The following ZNF616 variants were observed in gnomAD, a reference collection of about 807,000 sequenced individuals.
ZNF616 encodes the protein zinc finger protein 616.
Under a neutral mutation model 7.6 loss-of-function variants are expected in ZNF616, and 5 were observed. That is an observed-to-expected ratio of 0.66 (90% CI 0.34 to 1.38). The LOEUF is 1.38. Ranked by LOEUF, ZNF616 falls within the 40% of genes most tolerant of loss-of-function variation. ZNF616 has a pLI of 0.04. For synonymous variants in ZNF616, 319 were observed against 317.2 expected, an observed-to-expected ratio of 1.01 and a Z score of -0.06; for missense variants, 913 against 948.3, an observed-to-expected ratio of 0.96 and a Z score of 0.49.
At chr19:52,120,018 T>C (rs564931528) in intron 3 of ZNF616, among the ~76,000 whole-genome samples, 9 of 152,306 alleles carry the variant, frequency 5.9e-5, no homozygotes, top group African/African-American at 2.2e-4. Context: ...TAAAACCTTA[T>C]TGATAGTACA....
intron 1 of ZNF616, among the ~76,000 whole-genome samples, chr19:52,132,488 CTGGTGGGAGG>C (rs1316925915): frequency 6.6e-6 from 1 of 152,104 alleles, no homozygotes; most frequent in Non-Finnish European, 1.5e-5. Flanking sequence ...CTGGTGGGGC[CTGGTGGGAGG>C]TGGATGGATC....
At position 52,124,162 on chromosome 19, in the gene ZNF616, T is replaced by C. The variant is rs2088886488; in HGVS notation, c.13-113A>G. 2.9e-6 allele frequency: 4 copies of C among 1,365,472 alleles called. No individual in the cohort carries two copies. The East Asian group carries it at 9.4e-5, about 32-fold the overall frequency. 84.6% of individuals were successfully genotyped at this position (1,365,472 alleles called of 1,614,324 possible). A position where few individuals can be genotyped will look rare whatever the true frequency, so the allele number is the denominator to read the frequency against. On this transcript the variant is annotated intron_variant, in intron 2 of 3. Coordinates refer to ENST00000600228, the MANE Select transcript of ZNF616 (RefSeq NM_178523.5). ...AAGTGTGTGTTTTGACATATCTATATGGCATCTGTGAGAAAGTTATTGGTC... is the reference window on the plus strand; with the variant it reads ...AAGTGTGTGTTTTGACATATCTATACGGCATCTGTGAGAAAGTTATTGGTC...
chr19:52,133,481 T>A (rs1054712435), intron 1 of ZNF616, among the ~76,000 whole-genome samples: 7 of 152,008 alleles, frequency 4.6e-5, no homozygotes, highest in Non-Finnish European at 8.8e-5. Flanking sequence ...GGTAAACGGG[T>A]CATGGGGGTT....
At chr19:52,125,967 C>T (rs1269308188) in intron 2 of ZNF616, among the ~76,000 whole-genome samples, 2 of 152,052 alleles carry the variant, frequency 1.3e-5, no homozygotes, top group African/African-American at 4.8e-5. Context: ...CAGCAAACCT[C>T]TTCAATAGGG....
intron 3 of ZNF616, among the ~76,000 whole-genome samples, chr19:52,118,251 A>G (rs2088841678): frequency 6.6e-6 from 1 of 152,160 alleles, no homozygotes; most frequent in Non-Finnish European, 1.5e-5. Flanking sequence ...ACCTGGTCCT[A>G]TTCATTGCCT....
At position 52,115,507 on chromosome 19, in the gene ZNF616, C is replaced by A; in HGVS notation, c.1657G>T (p.Glu553Ter). ...CATTGACTGAAGACCTTGCCACATT[C>A]TTTGCATTTGTAAGGCTTCTCTCCA... ...HTGEKPYKCK[E>*]CGKVFSQCSR... The change falls in exon 4 of 4, where the codon GAA becomes TAA. Residue 553 changes from glutamate to a stop codon, truncating the protein, a stop_gained. Coordinates refer to ENST00000600228, the MANE Select transcript of ZNF616 (RefSeq NM_178523.5). LOFTEE classifies it low-confidence loss of function (END_TRUNC). 2 of 1,614,150 alleles carry A rather than the reference C, an allele frequency of 1.2e-6. No homozygotes were observed. The highest frequency in any genetic ancestry group is 1.7e-6 in the Non-Finnish European group (2 of 1,180,018).
At chr19:52,133,348 T>A (rs1417776086) in intron 1 of ZNF616, among the ~76,000 whole-genome samples, 1 of 152,186 alleles carries the variant, frequency 6.6e-6, no homozygotes, top group African/African-American at 2.4e-5. Context: ...TTTAAAATAA[T>A]TCCCTAGAGG....
chr19:52,130,064 C>T (rs1009162231), intron 2 of ZNF616, among the ~76,000 whole-genome samples: 1 of 152,196 alleles, frequency 6.6e-6, no homozygotes, highest in African/African-American at 2.4e-5. Flanking sequence ...TGAGACACGG[C>T]GCCTGGCCCC....
chr19:52,132,134 T>C (rs1366481081), intron 1 of ZNF616, among the ~76,000 whole-genome samples: 2 of 152,200 alleles, frequency 1.3e-5, no homozygotes, highest in African/African-American at 2.4e-5. Flanking sequence ...TCTTTATCAT[T>C]TGAATTAAAA....
chr19:52,134,315 A>G (rs2088989369), intron 1 of ZNF616, among the ~76,000 whole-genome samples: 1 of 152,264 alleles, frequency 6.6e-6, no homozygotes, highest in Admixed American at 6.5e-5. Context: ...AAACCCAATC[A>G]TCACATTTAT....
chr19:52,136,941 C>A (rs1157637485), intron 1 of ZNF616, among the ~76,000 whole-genome samples: 2 of 151,616 alleles, frequency 1.3e-5, no homozygotes, highest in Non-Finnish European at 2.9e-5. Flanking sequence ...CTTCTGCCCC[C>A]TCATGATCAC....
At chr19:52,130,755 C>T (rs73573160) in intron 1 of ZNF616, among the ~76,000 whole-genome samples, 167 bp from the exon 2 acceptor site, 10,128 of 152,214 alleles carry the variant, frequency 0.067, 468 homozygotes, top group African/African-American at 0.13. Context: ...AATCTTTCAC[C>T]GTTTTCTTCA....
intron 3 of ZNF616, among the ~76,000 whole-genome samples, chr19:52,119,532 A>C (rs2088850749): frequency 1.3e-5 from 2 of 152,174 alleles, no homozygotes; most frequent in Admixed American, 1.3e-4. Flanking sequence ...CGTCTGGAAC[A>C]AAGTACTATT....
intron 3 of ZNF616, among the ~76,000 whole-genome samples, chr19:52,122,735 T>C (rs1306439162): frequency 6.6e-6 from 1 of 151,200 alleles, no homozygotes; most frequent in Non-Finnish European, 1.5e-5. Context: ...CCCGGGTTCA[T>C]GCCATTCTCC....
chr19:52,116,926 A>G lies in ZNF616; in HGVS notation c.238T>C (p.Tyr80His), dbSNP rs759912341. Residue 80 changes from tyrosine (Y) to histidine (H), a missense_variant, in exon 4 of 4, where the codon TAT (tyrosine) becomes CAT (histidine). Tyr to His is a moderately conservative substitution (Grantham distance 83, BLOSUM62 2). Transcript: ENST00000600228. Reference protein sequence around the residue: ...QTVALERHQSYDIENLYFREI... With the variant: ...QTVALERHQSHDIENLYFREI... Reference sequence around the variant, plus strand: ...CTGAAGTATAAATTTTCAATATCATAGCTTTGATGTCTTTCCAGTGCCACT... The same window carrying G: ...CTGAAGTATAAATTTTCAATATCATGGCTTTGATGTCTTTCCAGTGCCACT... 6.2e-7 allele frequency: 1 copy of G among 1,613,878 alleles called. No homozygotes were observed. The highest frequency in any genetic ancestry group is 8.5e-7 in the Non-Finnish European group (1 of 1,179,990).
At chr19:52,135,290 T>G (rs1163808657) in intron 1 of ZNF616, among the ~76,000 whole-genome samples, 2 of 152,056 alleles carry the variant, frequency 1.3e-5, no homozygotes, top group Non-Finnish European at 1.5e-5. Flanking sequence ...CAAAGATACC[T>G]GAGGACTCAA....
intron 1 of ZNF616, among the ~76,000 whole-genome samples, chr19:52,136,485 A>G (rs962664858): frequency 6.6e-6 from 1 of 152,128 alleles, no homozygotes; most frequent in Non-Finnish European, 1.5e-5. Flanking sequence ...AGGTATATGA[A>G]AAGGTACTCA....
intron 1 of ZNF616, among the ~76,000 whole-genome samples, chr19:52,135,259 C>T (rs539856502): frequency 2.2e-4 from 34 of 152,216 alleles, no homozygotes; most frequent in African/African-American, 7.7e-4. Context: ...AACTCATAAA[C>T]TCCTGCTGAC....
chr19:52,120,318 T>C (rs1394442402), intron 3 of ZNF616, among the ~76,000 whole-genome samples: 1 of 152,100 alleles, frequency 6.6e-6, no homozygotes, highest in Non-Finnish European at 1.5e-5. Flanking sequence ...AAAGAATGTA[T>C]AGAAGACACA....
Sources: gnomAD v4.1 joint callset for allele counts (sites outside exome capture counted in the v4.1 genomes callset) on GRCh38, gnomAD v4.1.1 for gene constraint, MANE v1.5 for transcripts, NCBI Gene and HGNC (gene_info 2026-07-23, HGNC 2026-07-21) for gene names.